AGPAT4: variants seen among roughly 807,000 people sequenced by gnomAD.
The protein encoded by AGPAT4 is 1-acyl-sn-glycerol-3-phosphate acyltransferase delta.
A neutral mutation model predicts 48.0 loss-of-function variants in AGPAT4; 15 were observed. That is an observed-to-expected ratio of 0.31 (90% CI 0.21 to 0.48). The LOEUF (loss-of-function observed/expected upper bound fraction) is 0.48, where lower values mean the gene tolerates loss of function less well. Among genes scored for constraint, AGPAT4 ranks in the 20% least tolerant of loss-of-function variants. The probability of loss-of-function intolerance (pLI) is 0.99; values close to 1 mark genes in which losing one functional copy is unlikely to be tolerated. For synonymous variants in AGPAT4, 178 were observed against 198.7 expected, an observed-to-expected ratio of 0.90 and a Z score of 0.88; for missense variants, 314 against 482.5, an observed-to-expected ratio of 0.65 and a Z score of 3.27.
Position 161,137,208 on chromosome 6 carries a change from A to G in AGPAT4, c.1043-574T>C, listed in dbSNP as rs1372667693. ...GCCCAGTTTAATATAGGAAGCTGGA[A>G]AGCAGGGCCTAATGCTCAGAAGTTG... On this transcript the variant is annotated intron_variant, in intron 8 of 8. Transcript: ENST00000320285. This position sits in a 1 kb window ranked among gnomAD's most constrained non-coding sequence, Gnocchi z 6.1. 1.3e-5 allele frequency among the ~76,000 whole-genome samples: 2 copies of G among 152,176 alleles called. No homozygotes were observed. The highest frequency in any genetic ancestry group is 2.9e-5 in the Non-Finnish European group (2 of 68,036).
intron 1 of AGPAT4, among the ~76,000 whole-genome samples, chr6:161,269,246 G>C (rs1419117378): frequency 1.4e-5 from 2 of 148,008 alleles, no homozygotes; most frequent in Non-Finnish European, 2.9e-5. Flanking sequence ...CTCTTCCTCT[G>C]TGTCTCCTGC....
In AGPAT4 at chr6:161,139,495, G is replaced by C. The variant is rs777590829; in HGVS notation, c.969C>G (p.Phe323Leu). The part of the protein sequence containing the change: ...FWASLVLYPF[F>L]QFLVSMIRSG... Reference sequence around the variant, plus strand: ...TCCTGATCATGCTGACCAGGAACTGGAAGAAAGGGTAGAGCACCAGCGAGG... The same window carrying C: ...TCCTGATCATGCTGACCAGGAACTGCAAGAAAGGGTAGAGCACCAGCGAGG... The change falls in exon 8 of 9, where the codon TTC becomes TTG. Residue 323 changes from phenylalanine to leucine, a missense_variant. Phe to Leu is a conservative substitution (Grantham distance 22, BLOSUM62 0). Coordinates refer to ENST00000320285, the MANE Select transcript of AGPAT4 (RefSeq NM_020133.3). The surrounding 1 kb of genome is among the most constrained non-coding windows in gnomAD (Gnocchi z 9.1). 21 of 1,614,112 alleles carry C rather than the reference G, an allele frequency of 1.3e-5. No homozygotes were observed. Among genetic ancestry groups the C allele is most frequent in the South Asian group, 7.7e-5 (7 of 91,078 alleles).
rs1240721169 is a variant in AGPAT4 at position 161,139,412 on chromosome 6, C to T, written c.1042+10G>A. On this transcript the variant is annotated intron_variant, in intron 8 of 8. Coordinates refer to ENST00000320285, the MANE Select transcript of AGPAT4 (RefSeq NM_020133.3). The surrounding 1 kb of genome is among the most constrained non-coding windows in gnomAD (Gnocchi z 9.1). ...TGTCAGCACCCACCAGCCCCTTGCC[C>T]TCCACTCACCCACAAAGAAGACGAG... The T allele has an allele frequency of 2.5e-6, 4 of 1,613,594 alleles. No homozygotes were observed. The highest frequency in any genetic ancestry group is 2.2e-5 in the South Asian group (2 of 91,048).
chr6:161,258,629 T>C (rs946249962), intron 1 of AGPAT4, among the ~76,000 whole-genome samples: 1 of 152,056 alleles, frequency 6.6e-6, no homozygotes, highest in Non-Finnish European at 1.5e-5. Context: ...CCTATATATG[T>C]TGGGAGATGG....
Position 161,231,919 on chromosome 6 carries a change from C to G in AGPAT4, c.178+117G>C. ...AGCCATTTCAAACCTAAAACAAAAA[C>G]AAAACAAAAAAACAGCTCGGCACAC... On this transcript the variant is annotated intron_variant, in intron 2 of 8. Coordinates refer to ENST00000320285, the MANE Select transcript of AGPAT4 (RefSeq NM_020133.3). The surrounding 1 kb of genome is among the most constrained non-coding windows in gnomAD (Gnocchi z 5.3). 1 of 1,079,952 alleles carries G rather than the reference C, an allele frequency of 9.3e-7. No individual in the cohort carries two copies. The highest frequency in any genetic ancestry group is 1.3e-6 in the Non-Finnish European group (1 of 793,944). 66.9% of individuals were successfully genotyped at this position (1,079,952 alleles called of 1,614,324 possible). A position where few individuals can be genotyped will look rare whatever the true frequency, so the allele number is the denominator to read the frequency against.
At chr6:161,151,896 G>T (rs1032244217) in intron 5 of AGPAT4, among the ~76,000 whole-genome samples, 1 of 152,222 alleles carries the variant, frequency 6.6e-6, no homozygotes, top group Non-Finnish European at 1.5e-5. Flanking sequence ...TAGAGGCAGG[G>T]ACTGCAGGGA....
At position 161,139,569 on chromosome 6, in the gene AGPAT4, T is replaced by C. The variant is rs780976897; in HGVS notation, c.895A>G (p.Met299Val). Residue 299 changes from methionine (M) to valine (V), a missense_variant, in exon 8 of 9, where the codon ATG becomes GTG. Transcript: ENST00000320285. This position sits in a 1 kb window ranked among gnomAD's most constrained non-coding sequence, Gnocchi z 9.1. ...YRTGTFPETP[M>V]VPPRRPWTLV... ...GTCCAGGGCCGCCGGGGGGGCACCA[T>C]GGGCGTCTCTGGGAAGGTGCCCGTC... The C allele has an allele frequency of 9.9e-6, 16 of 1,613,660 alleles. No homozygotes were observed. The East Asian group carries it at 2.7e-4, about 27-fold the overall frequency.
chr6:161,228,282 T>TG (rs1782034825), intron 2 of AGPAT4, among the ~76,000 whole-genome samples: 1 of 152,172 alleles, frequency 6.6e-6, no homozygotes, highest in South Asian at 2.1e-4. Context: ...GGATGTGTAA[T>TG]TTTGCAGGCT....
At position 161,243,269 on chromosome 6, in the gene AGPAT4, T is replaced by C. The variant is rs938540052; in HGVS notation, c.-89-10967A>G. Reference sequence around the variant, plus strand: ...AGCTCTCCCCTTGGGGTTACCAAAGTAGGGAAATGGCCCAAGACCCGGCCC... The same window carrying C: ...AGCTCTCCCCTTGGGGTTACCAAAGCAGGGAAATGGCCCAAGACCCGGCCC... On this transcript the variant is annotated intron_variant, in intron 1 of 8. Transcript: ENST00000320285. The surrounding 1 kb of genome is among the most constrained non-coding windows in gnomAD (Gnocchi z 4.8). Among the ~76,000 whole-genome samples, 5 of 151,688 alleles carry C rather than the reference T, an allele frequency of 3.3e-5. No homozygotes were observed. Among genetic ancestry groups the C allele is most frequent in the African/African-American group, 1.2e-4 (5 of 41,266 alleles).
At position 161,155,392 on chromosome 6, in the gene AGPAT4, T is replaced by G. The variant is rs1379893113; in HGVS notation, c.349-1082A>C. Among the ~76,000 whole-genome samples, 1 of 152,210 alleles carries G rather than the reference T, an allele frequency of 6.6e-6. No homozygotes were observed. The highest frequency in any genetic ancestry group is 1.5e-5 in the Non-Finnish European group (1 of 68,030). On this transcript the variant is annotated intron_variant, in intron 3 of 8. Coordinates refer to ENST00000320285, the MANE Select transcript of AGPAT4 (RefSeq NM_020133.3). The surrounding 1 kb of genome is among the most constrained non-coding windows in gnomAD (Gnocchi z 5.8). ...GGTCAGGGCAGCCCTAAACCTAGGATGCCCACAGCGCAGAGAGCTCCGGCT... is the reference window on the plus strand; with the variant it reads ...GGTCAGGGCAGCCCTAAACCTAGGAGGCCCACAGCGCAGAGAGCTCCGGCT...
rs1210456992 is a variant in AGPAT4 at position 161,264,822 on chromosome 6, AG to A, written c.-90+9115del. Reference sequence around the variant, plus strand: ...GGGAGAAGCGAGATGGGAAGATAAAAGGGAGGGACACAGCAGTTATGGAACC... The same window carrying A: ...GGGAGAAGCGAGATGGGAAGATAAAAGGAGGGACACAGCAGTTATGGAACC... On this transcript the variant is annotated intron_variant, in intron 1 of 8. Coordinates refer to ENST00000320285, the MANE Select transcript of AGPAT4 (RefSeq NM_020133.3). This position sits in a 1 kb window ranked among gnomAD's most constrained non-coding sequence, Gnocchi z 6.8. 2.0e-5 allele frequency among the ~76,000 whole-genome samples: 3 copies of A among 152,134 alleles called. No individual in the cohort carries two copies. The highest frequency in any genetic ancestry group is 4.4e-5 in the Non-Finnish European group (3 of 68,012).
intron 2 of AGPAT4, among the ~76,000 whole-genome samples, chr6:161,168,986 A>G (rs539477555): frequency 8.5e-5 from 13 of 152,322 alleles, no homozygotes; most frequent in African/African-American, 3.1e-4. Flanking sequence ...CTAGCATGAC[A>G]TGGGGCATAG....
intron 2 of AGPAT4, among the ~76,000 whole-genome samples, chr6:161,175,941 G>A (rs1470786945): frequency 6.6e-6 from 1 of 152,194 alleles, no homozygotes; most frequent in Non-Finnish European, 1.5e-5. Context: ...ATGTAGTTGA[G>A]TGGTTTTGAG....
chr6:161,256,755 T>A (rs1782955235), intron 1 of AGPAT4, among the ~76,000 whole-genome samples: 1 of 152,210 alleles, frequency 6.6e-6, no homozygotes, highest in Admixed American at 6.5e-5. Flanking sequence ...CATTAATTAA[T>A]GAAATCAGTG....
chr6:161,139,670 A>G lies in AGPAT4; in HGVS notation c.844-50T>C. The G allele has an allele frequency of 6.7e-7, 1 of 1,500,748 alleles. No individual in the cohort carries two copies. 93.0% of individuals were successfully genotyped at this position (1,500,748 alleles called of 1,614,324 possible). A position where few individuals can be genotyped will look rare whatever the true frequency, so the allele number is the denominator to read the frequency against. ...CAGACGCCACACGGGGCTCGGTGGC[A>G]GGTCCCTCCCGAGGCCCTGCTTCCA... On this transcript the variant is annotated intron_variant, in intron 7 of 8. Transcript: ENST00000320285. The surrounding 1 kb of genome is among the most constrained non-coding windows in gnomAD (Gnocchi z 9.1).
Sources: gnomAD v4.1 joint callset for allele counts (sites outside exome capture counted in the v4.1 genomes callset) on GRCh38, gnomAD v4.1.1 for gene constraint, Gnocchi (gnomAD v3.1) non-coding constraint, MANE v1.5 for transcripts, NCBI Gene and HGNC (gene_info 2026-07-23, HGNC 2026-07-21) for gene names.